GFRA2: variants seen among roughly 807,000 people sequenced by gnomAD.
GFRA2 encodes GDNF family receptor alpha-2.
GFRA2 carries 17 observed loss-of-function variants against 48.3 expected under a neutral mutation model. That is an observed-to-expected ratio of 0.35 (90% CI 0.24 to 0.53). The LOEUF (loss-of-function observed/expected upper bound fraction) is 0.53. Among genes scored for constraint, GFRA2 ranks in the 20% least tolerant of loss-of-function variants. The pLI is 0.93. For synonymous variants in GFRA2, 305 were observed against 257.2 expected (o/e 1.19, Z -1.78); for missense variants, 660 against 637.3 (o/e 1.04, Z -0.38).
At chr8:21,732,460 AG>A in intron 4 of GFRA2, among the ~76,000 whole-genome samples, 1 of 152,078 alleles carries the variant, frequency 6.6e-6, no homozygotes, top group East Asian at 1.9e-4. Context: ...CGGAGAGGGG[AG>A]GGGGGTATCT....
At chr8:21,706,578 T>C (rs1802760093) in intron 4 of GFRA2, among the ~76,000 whole-genome samples, 1 of 152,094 alleles carries the variant, frequency 6.6e-6, no homozygotes, top group South Asian at 2.1e-4. Context: ...GGGTGAGACA[T>C]GCCACGGGCA....
At chr8:21,772,640 A>G (rs1806490901) in intron 3 of GFRA2, among the ~76,000 whole-genome samples, 1 of 152,146 alleles carries the variant, frequency 6.6e-6, no homozygotes, top group Non-Finnish European at 1.5e-5. Context: ...CCCAGCCCTC[A>G]TGGCAGGGAG....
chr8:21,788,625 T>C lies in GFRA2; in HGVS notation c.-466A>G. 1.0e-6 allele frequency: 1 copy of C among 987,360 alleles called. No homozygotes were observed. The highest frequency in any genetic ancestry group is 4.7e-5 in the South Asian group (1 of 21,306). The allele number at this position is 987,360 out of a possible 1,614,324, so 61.2% of individuals were successfully genotyped here. On this transcript the variant is annotated 5_prime_UTR_variant, in exon 1 of 9. Transcript: ENST00000524240. ...GAATAAAATGCAAATAGAAAAGAAATCCACAGACGGGTGTCAGCGCCCAAG... is the reference window on the plus strand; with the variant it reads ...GAATAAAATGCAAATAGAAAAGAAACCCACAGACGGGTGTCAGCGCCCAAG...
intron 2 of GFRA2, among the ~76,000 whole-genome samples, chr8:21,798,549 T>C (rs1259797328): frequency 1.3e-5 from 2 of 152,188 alleles, no homozygotes; most frequent in African/African-American, 4.8e-5. Context: ...CATGTGACTT[T>C]AGTTCCTCTA....
chr8:21,721,761 T>C (rs1803607111), intron 4 of GFRA2, among the ~76,000 whole-genome samples: 1 of 152,150 alleles, frequency 6.6e-6, no homozygotes. Context: ...AAGAGACTCA[T>C]GTGAGTACCG....
chr8:21,760,687 C>A (rs1563252994), intron 3 of GFRA2, among the ~76,000 whole-genome samples: 1 of 152,130 alleles, frequency 6.6e-6, no homozygotes, highest in Admixed American at 6.5e-5. Context: ...GCTAAAGACA[C>A]AAAACTTGGC....
At chr8:21,694,635 G>T in intron 7 of GFRA2, 118 bp from the exon 8 acceptor site, 1 of 892,872 alleles carries the variant, frequency 1.1e-6, no homozygotes, top group Non-Finnish European at 1.8e-6. Context: ...CACAGCCAGC[G>T]CACACGGTGA....
At chr8:21,716,810 T>C (rs996858571) in intron 4 of GFRA2, among the ~76,000 whole-genome samples, 2 of 152,176 alleles carry the variant, frequency 1.3e-5, no homozygotes, top group Non-Finnish European at 1.5e-5. Context: ...ATGTAACACG[T>C]AGACTAGCAA....
At chr8:21,786,941 G>A (rs895449803) in intron 1 of GFRA2, among the ~76,000 whole-genome samples, 2 of 151,868 alleles carry the variant, frequency 1.3e-5, no homozygotes, top group Admixed American at 1.3e-4. Flanking sequence ...AGCAAGCCAA[G>A]GTGGTAGAAC....
intron 4 of GFRA2, among the ~76,000 whole-genome samples, chr8:21,744,702 C>T (rs975050828): frequency 2.6e-5 from 4 of 152,096 alleles, no homozygotes; most frequent in African/African-American, 9.7e-5. Context: ...CAGCCAAATG[C>T]CATGGATGCA....
At chr8:21,697,940 G>C (rs1046762621) in intron 7 of GFRA2, among the ~76,000 whole-genome samples, 1 of 152,158 alleles carries the variant, frequency 6.6e-6, no homozygotes. Context: ...GGAACTGTGA[G>C]TCCACTAAAC....
chr8:21,744,421 G>A (rs1184114903), intron 4 of GFRA2, among the ~76,000 whole-genome samples: 1 of 152,130 alleles, frequency 6.6e-6, no homozygotes, highest in Non-Finnish European at 1.5e-5. Context: ...CCAGCAAGGA[G>A]TTATTTATGT....
At chr8:21,793,343 G>A (rs1260289666), upstream of GFRA2, among the ~76,000 whole-genome samples, 1 of 152,152 alleles carries the variant, frequency 6.6e-6, no homozygotes, top group Non-Finnish European at 1.5e-5. Flanking sequence ...GTCCCAGGCA[G>A]AGGTAATGAG....
In GFRA2 at chr8:21,758,822, G is replaced by A. The variant is rs569860457; in HGVS notation, c.440-7880C>T. Among the ~76,000 whole-genome samples the A allele has an allele frequency of 2.4e-4, 36 of 152,144 alleles. No homozygotes were observed. In the East Asian group the frequency reaches 3.3e-3, roughly 14 times the overall value. On this transcript the variant is annotated intron_variant, in intron 3 of 8. Transcript: ENST00000524240. ...TTTGAGCCGGAGCCACAGGTCCACC[G>A]TGGCAGGCTAAAAGGAGCCCACTCT...
At chr8:21,748,402 G>A (rs1473364322) in intron 4 of GFRA2, among the ~76,000 whole-genome samples, 1 of 149,888 alleles carries the variant, frequency 6.7e-6, no homozygotes, top group African/African-American at 2.5e-5. Context: ...TCTACATGCA[G>A]GACAGGGTGT....
chr8:21,803,322 C>T (rs1281249354), intron 2 of GFRA2, among the ~76,000 whole-genome samples: 3 of 152,180 alleles, frequency 2.0e-5, no homozygotes, highest in Admixed American at 2.0e-4. Context: ...ATTACATGCT[C>T]CTGTCTAGCA....
intron 4 of GFRA2, among the ~76,000 whole-genome samples, chr8:21,715,655 T>A (rs1803295054): frequency 6.6e-6 from 1 of 152,216 alleles, no homozygotes; most frequent in Non-Finnish European, 1.5e-5. Context: ...CGGCACCCCT[T>A]TCTCCTGGCC....
At chr8:21,784,213 T>C (rs1807155502) in intron 1 of GFRA2, 1 of 444,982 alleles carries the variant, frequency 2.2e-6, no homozygotes, top group Non-Finnish European at 4.6e-6. Context: ...GCCAAGCTCC[T>C]AAAATGGTTT....
intron 2 of GFRA2, among the ~76,000 whole-genome samples, chr8:21,802,545 A>G (rs1807790155): frequency 6.6e-6 from 1 of 152,064 alleles, no homozygotes; most frequent in Non-Finnish European, 1.5e-5. Flanking sequence ...TATAGAGATG[A>G]GGTCTCTCTG....
Sources: gnomAD v4.1 joint callset for allele counts (sites outside exome capture counted in the v4.1 genomes callset) on GRCh38, gnomAD v4.1.1 for gene constraint, MANE v1.5 for transcripts, NCBI Gene and HGNC (gene_info 2026-07-23, HGNC 2026-07-21) for gene names.